The following TNFAIP8 variants were observed in gnomAD, a reference collection of about 807,000 sequenced individuals.
The protein encoded by TNFAIP8 is TNF alpha induced protein 8.
TNFAIP8 carries 7 observed loss-of-function variants against 13.3 expected under a neutral mutation model. The observed-to-expected ratio is 0.52, with a 90% CI of 0.30 to 0.99. TNFAIP8 has a LOEUF of 0.99. Ranked by LOEUF, TNFAIP8 falls within the 50% of genes least tolerant of loss-of-function variation. TNFAIP8 has a pLI of 0.07. For synonymous variants in TNFAIP8, 94 were observed against 87.6 expected, an observed-to-expected ratio of 1.07 and a Z score of -0.41; for missense variants, 258 against 236.9, an observed-to-expected ratio of 1.09 and a Z score of -0.58.
intron 1 of TNFAIP8, among the ~76,000 whole-genome samples, chr5:119,364,674 A>G (rs892526622): frequency 6.6e-6 from 1 of 151,682 alleles, no homozygotes; most frequent in African/African-American, 2.4e-5. Context: ...AGGAAATTCC[A>G]AGAGTTTTGA....
At chr5:119,279,431 T>C (rs555877876) in intron 1 of TNFAIP8, among the ~76,000 whole-genome samples, 232 of 152,340 alleles carry the variant, frequency 1.5e-3, no homozygotes, top group Admixed American at 1.4e-3. Flanking sequence ...TGAACCATGG[T>C]GGTGTGCAGA....
Position 119,395,897 on chromosome 5 carries a change from G to C in TNFAIP8, c.*2516G>C, listed in dbSNP as rs899230891. ...ATCTGTTCACGTTTTGAAAAAAATT[G>C]TGTTGTAATTGATTTTATTTTGTGC... On this transcript the variant is annotated 3_prime_UTR_variant, in exon 2 of 2. Coordinates refer to ENST00000504771, the MANE Select transcript of TNFAIP8 (RefSeq NM_014350.4). 6.6e-6 allele frequency: 1 copy of C among 151,236 alleles called. No homozygotes were observed. The highest frequency in any genetic ancestry group is 2.5e-5 in the African/African-American group (1 of 40,588). The allele number at this position is 151,236 out of a possible 1,614,324, so 9.4% of individuals were successfully genotyped here.
Position 119,308,576 on chromosome 5 carries a change from C to G in TNFAIP8, c.1+39669C>G, listed in dbSNP as rs748641872. 2.0e-5 allele frequency among the ~76,000 whole-genome samples: 3 copies of G among 151,922 alleles called. No homozygotes were observed. In the South Asian group the frequency reaches 6.2e-4, roughly 32 times the overall value. Reference sequence around the variant, plus strand: ...TAAGCTTTTTTGGTCTTTCTTAAGACCATTCTAGGCTGGGCACAGTGGCTC... The same window carrying G: ...TAAGCTTTTTTGGTCTTTCTTAAGAGCATTCTAGGCTGGGCACAGTGGCTC... On this transcript the variant is annotated intron_variant, in intron 1 of 1. Coordinates refer to the TNFAIP8 transcript ENST00000274456.
At chr5:119,273,116 C>T (rs1748337473) in intron 1 of TNFAIP8, among the ~76,000 whole-genome samples, 1 of 152,242 alleles carries the variant, frequency 6.6e-6, no homozygotes, top group Admixed American at 6.5e-5. Context: ...GTCTCAGCCC[C>T]TGCTGGCTGT....
rs930316780 is a variant in TNFAIP8 at position 119,395,616 on chromosome 5, C to G, written c.*2235C>G. 6 of 152,172 alleles carry G rather than the reference C, an allele frequency of 3.9e-5. No homozygotes were observed. Among genetic ancestry groups the G allele is most frequent in the Admixed American group, 1.3e-4 (2 of 15,262 alleles). The allele number at this position is 152,172 out of a possible 1,614,324, so 9.4% of individuals were successfully genotyped here. A position where few individuals can be genotyped will look rare whatever the true frequency, so the allele number is the denominator to read the frequency against. On this transcript the variant is annotated 3_prime_UTR_variant, in exon 2 of 2. Transcript: ENST00000504771. ...TGAGGAGTAGACCGAAGGAGGGAAT[C>G]CTGTTTGCTACCATTTCTCAGCATT...
At chr5:119,337,668 G>T (rs957191420) in intron 1 of TNFAIP8, among the ~76,000 whole-genome samples, 2 of 152,210 alleles carry the variant, frequency 1.3e-5, no homozygotes, top group African/African-American at 4.8e-5. Flanking sequence ...ATTAATGCGG[G>T]GCTGCCGTGA....
chr5:119,300,137 G>T (rs953775358), intron 1 of TNFAIP8, among the ~76,000 whole-genome samples: 1 of 152,200 alleles, frequency 6.6e-6, no homozygotes, highest in Non-Finnish European at 1.5e-5. Flanking sequence ...CCACTATCTG[G>T]CACTCCCTAA....
rs761163487 is a variant in TNFAIP8 at position 119,396,445 on chromosome 5, A to G, written c.*3064A>G. 6.6e-6 allele frequency: 1 copy of G among 152,202 alleles called. No individual in the cohort carries two copies. Among genetic ancestry groups the G allele is most frequent in the Non-Finnish European group, 1.5e-5 (1 of 68,040 alleles). The allele number at this position is 152,202 out of a possible 1,614,324, so 9.4% of individuals were successfully genotyped here. ...CTTTTAACGTTGACTTCTGAGGTGC[A>G]GTGAGCTGCTCCCCCACAGCTGTCC... is the stretch of plus-strand genomic sequence containing the variant. On this transcript the variant is annotated 3_prime_UTR_variant, in exon 2 of 2. Transcript: ENST00000504771.
rs144884069 is a variant in TNFAIP8, at chr5:119,383,120, T to C, written c.32-9696T>C. ...GATAATTTTCCCCCATAAGACTCTT[T>C]TAGCTTATTGAAGAATTAAGGTTTT... On this transcript the variant is annotated intron_variant, in intron 1 of 1. Coordinates refer to ENST00000504771, the MANE Select transcript of TNFAIP8 (RefSeq NM_014350.4). Among the ~76,000 whole-genome samples the C allele has an allele frequency of 2.0e-5, 3 of 152,364 alleles. No homozygotes were observed. In the East Asian group the frequency reaches 5.8e-4, roughly 29 times the overall value.
chr5:119,350,635 G>A (rs965433517), intron 1 of TNFAIP8, among the ~76,000 whole-genome samples: 1 of 152,222 alleles, frequency 6.6e-6, no homozygotes, highest in Non-Finnish European at 1.5e-5. Flanking sequence ...CATCCCAGAT[G>A]TATTATTGTC....
chr5:119,368,915 C>T (rs32654), intron 1 of TNFAIP8, among the ~76,000 whole-genome samples: 4 of 152,096 alleles, frequency 2.6e-5, no homozygotes, highest in Admixed American at 2.6e-4. Context: ...CTATGCTGTA[C>T]ATTGAGCTTG....
intron 1 of TNFAIP8, among the ~76,000 whole-genome samples, chr5:119,320,222 C>T (rs1750014502): frequency 6.6e-6 from 1 of 152,166 alleles, no homozygotes. Context: ...AATGAAGATA[C>T]ATCTGGCAGT....
At chr5:119,315,160 A>G (rs1006877656) in intron 1 of TNFAIP8, among the ~76,000 whole-genome samples, 1 of 152,118 alleles carries the variant, frequency 6.6e-6, no homozygotes, top group African/African-American at 2.4e-5. Flanking sequence ...TCAGCTCACT[A>G]CAAGCTCCGC....
chr5:119,341,087 C>CTTT (rs35856054), intron 1 of TNFAIP8, among the ~76,000 whole-genome samples: 2 of 138,392 alleles, frequency 1.4e-5, no homozygotes, highest in East Asian at 2.1e-4. Context: ...TGGTCTCCTG[C>CTTT]TTTTTTTTTT....
At chr5:119,307,112 A>ATT (rs1349832940) in intron 1 of TNFAIP8, among the ~76,000 whole-genome samples, 1 of 152,178 alleles carries the variant, frequency 6.6e-6, no homozygotes, top group African/African-American at 2.4e-5. Context: ...TTTTTTCCAC[A>ATT]TTAAATACTT....
At chr5:119,294,097 C>G (rs920862257) in intron 1 of TNFAIP8, among the ~76,000 whole-genome samples, 18 of 151,680 alleles carry the variant, frequency 1.2e-4, no homozygotes, top group African/African-American at 4.1e-4. Flanking sequence ...GCACAGTGTG[C>G]AGGTTAGTTA....
At chr5:119,304,549 T>C (rs1038872195) in intron 1 of TNFAIP8, among the ~76,000 whole-genome samples, 2 of 152,176 alleles carry the variant, frequency 1.3e-5, no homozygotes, top group Non-Finnish European at 2.9e-5. Context: ...ATAGGCAAAG[T>C]CCTTAAAACT....
At chr5:119,392,685 T>C (rs1452323995) in intron 1 of TNFAIP8, 131 bp from the exon 2 acceptor site, 8 of 1,076,904 alleles carry the variant, frequency 7.4e-6, no homozygotes, top group African/African-American at 1.6e-5. Flanking sequence ...CTAATGTCGG[T>C]AGATGTAAGA....
At chr5:119,335,277 G>A (rs192931015) in intron 1 of TNFAIP8, among the ~76,000 whole-genome samples, 155 of 152,290 alleles carry the variant, frequency 1.0e-3, no homozygotes, top group African/African-American at 3.5e-3. Context: ...TTTTGCCTAG[G>A]AATTTTAAAT....
Sources: gnomAD v4.1 joint callset for allele counts (sites outside exome capture counted in the v4.1 genomes callset) on GRCh38, gnomAD v4.1.1 for gene constraint, MANE v1.5 for transcripts, NCBI Gene and HGNC (gene_info 2026-07-23, HGNC 2026-07-21) for gene names.